Variants in SLC2A13 observed in about 807,000 individuals in gnomAD.
SLC2A13 encodes the protein proton myo-inositol cotransporter.
SLC2A13 carries 32 observed loss-of-function variants against 64.4 expected under a neutral mutation model. That is an observed-to-expected ratio of 0.50 (90% confidence interval 0.37 to 0.67). The LOEUF is 0.67. SLC2A13 is among the 30% of genes least tolerant of loss of function. SLC2A13 has a pLI of 0.00. For missense variants in SLC2A13, 743 were observed against 829.2 expected, an observed-to-expected ratio of 0.90 and a Z score of 1.28; for synonymous variants, 338 against 327.1, an observed-to-expected ratio of 1.03 and a Z score of -0.36.
At chr12:39,896,844 C>A (rs1034674087) in intron 4 of SLC2A13, among the ~76,000 whole-genome samples, 1 of 152,030 alleles carries the variant, frequency 6.6e-6, no homozygotes, top group Non-Finnish European at 1.5e-5. Context: ...AAAATATGTA[C>A]AATTTTTATA....
At chr12:40,012,892 G>C (rs911423399) in intron 3 of SLC2A13, among the ~76,000 whole-genome samples, 6 of 152,178 alleles carry the variant, frequency 3.9e-5, no homozygotes, top group Non-Finnish European at 5.9e-5. Context: ...CTCCGGGACT[G>C]AATGACAATG....
chr12:39,809,357 T>C (rs1942075396), intron 7 of SLC2A13, among the ~76,000 whole-genome samples: 1 of 152,238 alleles, frequency 6.6e-6, no homozygotes, highest in South Asian at 2.1e-4. Flanking sequence ...TCTTTCTTTT[T>C]CAGGAATGTT....
intron 7 of SLC2A13, among the ~76,000 whole-genome samples, chr12:39,773,902 C>T (rs967056204): frequency 3.3e-5 from 5 of 152,206 alleles, no homozygotes; most frequent in Admixed American, 6.5e-5. Flanking sequence ...CATCTACCAT[C>T]GTTCTACTGG....
intron 6 of SLC2A13, among the ~76,000 whole-genome samples, chr12:39,840,753 T>C (rs1401564438): frequency 6.6e-6 from 1 of 152,080 alleles, no homozygotes; most frequent in African/African-American, 2.4e-5. Flanking sequence ...TCTTAACAGC[T>C]TCATGCTGTG....
Position 39,951,247 on chromosome 12 carries a change from A to G in SLC2A13, c.1034+10T>C. On this transcript the variant is annotated intron_variant, in intron 4 of 9. Transcript: ENST00000280871. ...ATCTTTTCAGTAAAAAGCCAGAAAG[A>G]AATACATACATGATGGTGTTAATGC... 1 of 1,608,270 alleles carries G rather than the reference A, an allele frequency of 6.2e-7. No homozygotes were observed. The highest frequency in any genetic ancestry group is 1.1e-5 in the South Asian group (1 of 90,148).
intron 2 of SLC2A13, among the ~76,000 whole-genome samples, chr12:40,031,643 A>G (rs746573328): frequency 2.6e-5 from 4 of 152,068 alleles, no homozygotes; most frequent in Non-Finnish European, 4.4e-5. Context: ...ACCTCCCTGA[A>G]CTCCTAACCA....
chr12:39,797,809 T>A (rs1941634849), intron 7 of SLC2A13, among the ~76,000 whole-genome samples: 1 of 151,436 alleles, frequency 6.6e-6, no homozygotes, highest in Admixed American at 6.6e-5. Context: ...CGGTCGTAAT[T>A]CAACCTATAT....
At chr12:39,998,579 T>C (rs2136178119) in intron 3 of SLC2A13, among the ~76,000 whole-genome samples, 1 of 152,324 alleles carries the variant, frequency 6.6e-6, no homozygotes, top group East Asian at 1.9e-4. Flanking sequence ...CCCCTTTGTT[T>C]TGGCCAATTT....
At chr12:39,763,358 C>T (rs1183377274) in intron 9 of SLC2A13, among the ~76,000 whole-genome samples, 1 of 152,020 alleles carries the variant, frequency 6.6e-6, no homozygotes, top group East Asian at 1.9e-4. Flanking sequence ...TCAGCATGGT[C>T]AGAAGAGATG....
chr12:39,819,048 C>T (rs1411246138), intron 7 of SLC2A13, among the ~76,000 whole-genome samples: 1 of 152,082 alleles, frequency 6.6e-6, no homozygotes, highest in Non-Finnish European at 1.5e-5. Context: ...ACCGCTTGCA[C>T]CCCACAGAAG....
chr12:39,835,540 T>A (rs1414565976), intron 6 of SLC2A13: 2 of 152,152 alleles, frequency 1.3e-5, no homozygotes, highest in African/African-American at 4.8e-5. Context: ...GAGTTCTCCT[T>A]ATTGATACAC....
At chr12:39,971,847 C>T (rs1359948923) in intron 3 of SLC2A13, among the ~76,000 whole-genome samples, 8 of 150,894 alleles carry the variant, frequency 5.3e-5, no homozygotes, top group South Asian at 2.1e-4. Context: ...TGTTGGTTTG[C>T]GCCTGTAATC....
At chr12:39,934,920 T>A (rs1269254906) in intron 4 of SLC2A13, among the ~76,000 whole-genome samples, 1 of 152,230 alleles carries the variant, frequency 6.6e-6, no homozygotes, top group Non-Finnish European at 1.5e-5. Context: ...TGTCTCTGCA[T>A]GGAGCGGCTT....
In SLC2A13 at chr12:39,956,807, A is replaced by G. The variant is rs111320952; in HGVS notation, c.926-5442T>C. Among the ~76,000 whole-genome samples the G allele has an allele frequency of 2.6e-3, 402 of 152,250 alleles. 3 individuals carry two copies. The highest frequency in any genetic ancestry group is 8.7e-3 in the African/African-American group (363 of 41,542). ...TATTAATATTAAAGTTAAGGAGGAA[A>G]AAGTGGAACACTTTGTGACTAATGG... On this transcript the variant is annotated intron_variant, in intron 3 of 9. Coordinates refer to ENST00000280871, the MANE Select transcript of SLC2A13 (RefSeq NM_052885.4).
At chr12:39,800,167 C>T (rs936085580) in intron 7 of SLC2A13, among the ~76,000 whole-genome samples, 4 of 152,142 alleles carry the variant, frequency 2.6e-5, no homozygotes, top group Non-Finnish European at 5.9e-5. Flanking sequence ...AACTTTAAAT[C>T]CTTGGCATTT....
chr12:39,812,575 C>T (rs1157569835), intron 7 of SLC2A13, among the ~76,000 whole-genome samples: 12 of 151,788 alleles, frequency 7.9e-5, no homozygotes, highest in Non-Finnish European at 1.6e-4. Context: ...GAGATTCAAG[C>T]GATTCTCCTG....
intron 7 of SLC2A13, among the ~76,000 whole-genome samples, chr12:39,815,471 T>C (rs1175324086): frequency 6.6e-6 from 1 of 152,198 alleles, no homozygotes; most frequent in Non-Finnish European, 1.5e-5. Context: ...CATTCTTTCT[T>C]TTCACCTATT....
chr12:40,087,517 T>C (rs1020684700), intron 1 of SLC2A13, among the ~76,000 whole-genome samples: 32 of 152,348 alleles, frequency 2.1e-4, no homozygotes, highest in Middle Eastern at 3.4e-3. Flanking sequence ...TTACCTACAA[T>C]AGAAAAATTT....
intron 3 of SLC2A13, among the ~76,000 whole-genome samples, chr12:39,998,208 G>T (rs1368412799): frequency 1.3e-5 from 2 of 152,294 alleles, no homozygotes; most frequent in East Asian, 3.9e-4. Flanking sequence ...CCATAAAAAG[G>T]AATAAATTAG....
Sources: allele counts gnomAD v4.1 joint callset (sites outside exome capture counted in the v4.1 genomes callset), GRCh38; gene constraint gnomAD v4.1.1; transcripts MANE v1.5; gene names NCBI Gene and HGNC (gene_info 2026-07-23, HGNC 2026-07-21).